Variants in RASEF observed in about 807,000 individuals in gnomAD.
RASEF encodes the protein RAS and EF-hand domain containing, also known as ras and EF-hand domain-containing protein.
RASEF carries 68 observed loss-of-function variants against 90.1 expected under a neutral mutation model. That is an observed-to-expected ratio of 0.75 (90% CI 0.62 to 0.92). The LOEUF (loss-of-function observed/expected upper bound fraction) is 0.92. Ranked by LOEUF, RASEF falls within the 40% of genes least tolerant of loss-of-function variation. The probability of loss-of-function intolerance (pLI) is 0.00; values close to 1 mark genes in which losing one functional copy is unlikely to be tolerated. For synonymous variants in RASEF, 331 were observed against 345.2 expected, an observed-to-expected ratio of 0.96 and a Z score of 0.46; for missense variants, 949 against 937.2, an observed-to-expected ratio of 1.01 and a Z score of -0.16.
chr9:83,196,281 T>G, the RASEF span, among the ~76,000 whole-genome samples: 4 of 152,152 alleles, frequency 2.6e-5, no homozygotes, highest in Non-Finnish European at 4.4e-5. Flanking sequence ...AGAGTTAAGA[T>G]AAATGGGGAA....
At chr9:83,041,511 A>G (rs1829842345) in intron 1 of RASEF, among the ~76,000 whole-genome samples, 1 of 152,240 alleles carries the variant, frequency 6.6e-6, no homozygotes, top group Non-Finnish European at 1.5e-5. Flanking sequence ...TTTCTTAAAC[A>G]CATTTCCCCT....
In RASEF at chr9:82,997,138, A is replaced by G. The variant is rs1188771466; in HGVS notation, c.1806-12T>C. ...CAATACTTCTGAATCTGAGAAAGAGAAAACCACATCATCAGTCAGTTTGTG... is the reference window on the plus strand; with the variant it reads ...CAATACTTCTGAATCTGAGAAAGAGGAAACCACATCATCAGTCAGTTTGTG... On this transcript the variant is annotated splice_polypyrimidine_tract_variant and intron_variant, in intron 13 of 16. Coordinates refer to ENST00000376447, the MANE Select transcript of RASEF (RefSeq NM_152573.4). The G allele has an allele frequency of 4.0e-6, 6 of 1,497,106 alleles. No homozygotes were observed. The highest frequency in any genetic ancestry group is 5.6e-6 in the Non-Finnish European group (6 of 1,073,532). The allele number at this position is 1,497,106 out of a possible 1,614,324, so 92.7% of individuals were successfully genotyped here.
At position 83,001,050 on chromosome 9, in the gene RASEF, A is replaced by T; in HGVS notation, c.1283T>A (p.Val428Asp). The T allele has an allele frequency of 6.2e-7, 1 of 1,614,172 alleles. No individual in the cohort carries two copies. The highest frequency in any genetic ancestry group is 8.5e-7 in the Non-Finnish European group (1 of 1,180,024). ...CDPLQRTNCE[V>D]DSLPESCFDS... ...GAAGCAGCTTTCAGGCAGGCTGTCA[A>T]CTTCACAATTTGTCCTCTGCAGAGG... Residue 428 changes from valine to aspartate, a missense_variant, in exon 10 of 17, where the codon GTT (valine) becomes GAT (aspartate). By Grantham distance (152) the Val-to-Asp change is radical. Around this residue, in one of 3 missense-constraint regions of RASEF, gnomAD observed 656 missense variants for 592.2 expected, o/e 1.11. Transcript: ENST00000376447.
intron 1 of RASEF, among the ~76,000 whole-genome samples, chr9:83,041,138 G>A (rs979383339): frequency 1.3e-5 from 2 of 152,232 alleles, no homozygotes; most frequent in African/African-American, 4.8e-5. Flanking sequence ...TGGGATTACA[G>A]GCATGCGCCA....
the RASEF span, among the ~76,000 whole-genome samples, chr9:83,186,627 A>T: frequency 0.018 from 2,780 of 152,152 alleles, 76 homozygotes; most frequent in African/African-American, 0.063. Context: ...TTCCTAACAG[A>T]ATCCCCATAA....
the RASEF span, among the ~76,000 whole-genome samples, chr9:83,123,472 C>T: frequency 6.6e-6 from 1 of 152,120 alleles, no homozygotes; most frequent in Non-Finnish European, 1.5e-5. Flanking sequence ...TTGCCCATGC[C>T]TCATATAGCA....
chr9:82,987,765 G>T (rs1828734337), intron 16 of RASEF, among the ~76,000 whole-genome samples: 2 of 152,166 alleles, frequency 1.3e-5, no homozygotes, highest in Admixed American at 6.5e-5. Context: ...GAATTAGAAA[G>T]GACCTTTGAG....
At chr9:83,008,891 C>CTCAT (rs57817845) in intron 6 of RASEF, among the ~76,000 whole-genome samples, 291 of 19,516 alleles carry the variant, frequency 0.015, 7 homozygotes, top group Middle Eastern at 0.05. Context: ...AAGTTCTCAT[C>CTCAT]ATATATATAT....
chr9:83,076,171 A>C, the RASEF span, among the ~76,000 whole-genome samples: 2 of 151,960 alleles, frequency 1.3e-5, no homozygotes, highest in African/African-American at 4.8e-5. Context: ...TCTCAGAAAA[A>C]AAAAAAAAAA....
In RASEF at chr9:83,062,489, C is replaced by G. The variant is rs778752815; in HGVS notation, c.379G>C (p.Ala127Pro). The G allele has an allele frequency of 1.2e-6, 2 of 1,612,210 alleles. No individual in the cohort carries two copies. The highest frequency in any genetic ancestry group is 1.3e-5 in the African/African-American group (1 of 74,918). ...TSCGPASPGR[A>P]WQDFQARLGD... Reference sequence around the variant, plus strand: ...AGTCGCGCCTGGAAATCCTGCCAAGCCCGGCCGGGACTCGCCGGGCCGCAC... The same window carrying G: ...AGTCGCGCCTGGAAATCCTGCCAAGGCCGGCCGGGACTCGCCGGGCCGCAC... The change falls in exon 1 of 17, where the codon GCT (alanine) becomes CCT (proline). Residue 127 changes from alanine to proline, a missense_variant. Ala to Pro is a conservative substitution (Grantham distance 27). Around this residue, in one of 3 missense-constraint regions of RASEF, gnomAD observed 656 missense variants for 592.2 expected, o/e 1.11. Coordinates refer to ENST00000376447, the MANE Select transcript of RASEF (RefSeq NM_152573.4).
At position 83,049,867 on chromosome 9, in the gene RASEF, G is replaced by T. The variant is rs377760050; in HGVS notation, c.431+12570C>A. Among the ~76,000 whole-genome samples the T allele has an allele frequency of 4.1e-4, 32 of 78,958 alleles. No homozygotes were observed. In the East Asian group the frequency reaches 0.011, roughly 27 times the overall value. 51.8% of individuals were successfully genotyped at this position (78,958 alleles called of 152,430 possible). A position where few individuals can be genotyped will look rare whatever the true frequency, so the allele number is the denominator to read the frequency against. The stretch of plus-strand genomic sequence containing the variant: ...TCATCCATGTCCCTACAAAGGACAT[G>T]AACTCATCATTTTTTATGGCTGCAT... On this transcript the variant is annotated intron_variant, in intron 1 of 16. Transcript: ENST00000376447.
the RASEF span, among the ~76,000 whole-genome samples, chr9:83,157,119 A>T: frequency 6.6e-6 from 1 of 152,240 alleles, no homozygotes; most frequent in Non-Finnish European, 1.5e-5. Context: ...AGCCAGTTGT[A>T]CTGTGTAATG....
chr9:83,198,271 A>G, the RASEF span, among the ~76,000 whole-genome samples: 1 of 152,196 alleles, frequency 6.6e-6, no homozygotes, highest in Non-Finnish European at 1.5e-5. Flanking sequence ...TTTATGCTCA[A>G]AGGAAACAGA....
chr9:83,167,764 T>A, the RASEF span, among the ~76,000 whole-genome samples: 1 of 152,148 alleles, frequency 6.6e-6, no homozygotes, highest in Non-Finnish European at 1.5e-5. Flanking sequence ...ATAGATGGAA[T>A]CATACAATGC....
the RASEF span, among the ~76,000 whole-genome samples, chr9:83,180,181 G>A: frequency 5.3e-5 from 8 of 152,220 alleles, no homozygotes; most frequent in African/African-American, 1.9e-4. Flanking sequence ...CAAAATTTAG[G>A]AGTCCATAAC....
At chr9:83,164,951 A>G in the RASEF span, among the ~76,000 whole-genome samples, 2 of 152,062 alleles carry the variant, frequency 1.3e-5, no homozygotes, top group Non-Finnish European at 2.9e-5. Flanking sequence ...ACAGGAAGAC[A>G]TAACAATCTT....
At chr9:83,029,360 C>T (rs1829602083) in intron 1 of RASEF, among the ~76,000 whole-genome samples, 1 of 151,738 alleles carries the variant, frequency 6.6e-6, no homozygotes, top group Non-Finnish European at 1.5e-5. Flanking sequence ...CAAGGTGTGT[C>T]CATGTGGCTG....
upstream of RASEF, among the ~76,000 whole-genome samples, chr9:83,066,647 C>A (rs1221790878): frequency 2.0e-5 from 3 of 152,204 alleles, no homozygotes; most frequent in African/African-American, 4.8e-5. Flanking sequence ...AGCTTCCTCT[C>A]TGGCTGCTCA....
rs752917900 is a variant in RASEF, at chr9:83,062,543, C to G, written c.325G>C (p.Glu109Gln). 1.9e-6 allele frequency: 3 copies of G among 1,603,948 alleles called. No homozygotes were observed. The highest frequency in any genetic ancestry group is 1.7e-6 in the Non-Finnish European group (2 of 1,175,584). Residue 109 changes from glutamate (E) to glutamine (Q), a missense_variant, in exon 1 of 17, where the codon GAG becomes CAG. Glu to Gln is a conservative substitution (Grantham distance 29). Coordinates refer to ENST00000376447, the MANE Select transcript of RASEF (RefSeq NM_152573.4). ...GTGGCCAGCGCCGCCGCCGCGTCCT[C>G]GTCGCCTTCGTCCTCCTCGCTGTCG... is the stretch of plus-strand genomic sequence containing the variant. ...THDSEEDEGD[E>Q]DAAAALATSC... is the part of the protein sequence containing the mutation.
Sources: allele counts gnomAD v4.1 joint callset (sites outside exome capture counted in the v4.1 genomes callset), GRCh38; gene constraint gnomAD v4.1.1; regional missense constraint gnomAD v4.1.1; transcripts MANE v1.5; gene names NCBI Gene and HGNC (gene_info 2026-07-23, HGNC 2026-07-21).